Variants in KCNIP3 observed in about 807,000 individuals in gnomAD.
KCNIP3 encodes potassium voltage-gated channel interacting protein 3, also known as calsenilin.
Under a neutral mutation model 35.0 loss-of-function variants are expected in KCNIP3, and 28 were observed. The observed-to-expected ratio is 0.80, with a 90% CI of 0.59 to 1.10. The LOEUF (loss-of-function observed/expected upper bound fraction) is 1.10. Ranked by LOEUF, KCNIP3 falls within the 50% of genes least tolerant of loss-of-function variation. The pLI is 0.00. For missense variants in KCNIP3, 295 were observed against 338.4 expected, an observed-to-expected ratio of 0.87 and a Z score of 1.01; for synonymous variants, 134 against 133.8, an observed-to-expected ratio of 1.00 and a Z score of -0.01.
intron 2 of KCNIP3, among the ~76,000 whole-genome samples, chr2:95,372,530 G>T (rs1238666550): frequency 6.6e-6 from 1 of 152,222 alleles, no homozygotes. Flanking sequence ...GAGGGGAAAA[G>T]GTGATGAGGA....
At chr2:95,327,720 A>T (rs1678828511) in intron 2 of KCNIP3, among the ~76,000 whole-genome samples, 1 of 152,150 alleles carries the variant, frequency 6.6e-6, no homozygotes. Context: ...CCAGGGGAAG[A>T]GCTTGAGGCT....
chr2:95,306,493 A>G (rs1012178717), intron 1 of KCNIP3, among the ~76,000 whole-genome samples: 2 of 152,224 alleles, frequency 1.3e-5, no homozygotes, highest in Non-Finnish European at 2.9e-5. Context: ...ATCAGTTCAC[A>G]AGGGCTGGGT....
chr2:95,363,742 G>A (rs1238131388), intron 2 of KCNIP3, among the ~76,000 whole-genome samples: 1 of 152,198 alleles, frequency 6.6e-6, no homozygotes, highest in African/African-American at 2.4e-5. Context: ...ATCTTTCCAT[G>A]TAGAGGTCCT....
intron 2 of KCNIP3, among the ~76,000 whole-genome samples, chr2:95,327,825 A>C (rs531686463): frequency 1.4e-4 from 22 of 152,368 alleles, no homozygotes; most frequent in African/African-American, 5.0e-4. Flanking sequence ...AGCAGGACTC[A>C]GCCCAGCTGG....
At chr2:95,366,795 T>C (rs1166859536) in intron 2 of KCNIP3, among the ~76,000 whole-genome samples, 10 of 152,236 alleles carry the variant, frequency 6.6e-5, no homozygotes, top group Admixed American at 6.5e-4. Context: ...GCTAATCCTC[T>C]TTCTTGTGCT....
chr2:95,307,237 G>A (rs1678200477), intron 1 of KCNIP3, among the ~76,000 whole-genome samples: 1 of 152,188 alleles, frequency 6.6e-6, no homozygotes, highest in Non-Finnish European at 1.5e-5. Flanking sequence ...GACACACTGG[G>A]GCCCCCTAGC....
Position 95,318,215 on chromosome 2 carries a change from G to T in KCNIP3, c.181+7695G>T. On this transcript the variant is annotated intron_variant, in intron 2 of 8. Transcript: ENST00000295225. ...AGGGAGAGCAGATGGGGAGCCGCTG[G>T]CTTCTCCATGGGGTACACAGACTCA... 1.3e-5 allele frequency among the ~76,000 whole-genome samples: 2 copies of T among 152,134 alleles called. 1 individual carries two copies. The highest frequency in any genetic ancestry group is 2.9e-5 in the Non-Finnish European group (2 of 68,020).
intron 1 of KCNIP3, chr2:95,303,473 C>A (rs1678088713): frequency 6.6e-6 from 1 of 152,372 alleles, no homozygotes; most frequent in Non-Finnish European, 1.5e-5. Context: ...TGACAGTTTT[C>A]TCAGGCACTG....
chr2:95,362,610 C>G (rs777330507), intron 2 of KCNIP3, among the ~76,000 whole-genome samples: 1 of 152,238 alleles, frequency 6.6e-6, no homozygotes, highest in African/African-American at 2.4e-5. Flanking sequence ...CTCGCATGCA[C>G]AGTTCACGGT....
At chr2:95,330,166 A>G (rs569761892) in intron 2 of KCNIP3, among the ~76,000 whole-genome samples, 2 of 152,296 alleles carry the variant, frequency 1.3e-5, no homozygotes, top group South Asian at 2.1e-4. Context: ...GCGGCTCCCC[A>G]GGGTGCCCTG....
chr2:95,301,652 C>T (rs993615654), intron 1 of KCNIP3, among the ~76,000 whole-genome samples: 9 of 152,352 alleles, frequency 5.9e-5, no homozygotes, highest in Admixed American at 2.6e-4. Flanking sequence ...GCCATCCCTT[C>T]TGACTGTTGA....
intron 2 of KCNIP3, among the ~76,000 whole-genome samples, chr2:95,363,925 G>A (rs1422669823): frequency 2.0e-5 from 3 of 152,162 alleles, no homozygotes; most frequent in Non-Finnish European, 4.4e-5. Flanking sequence ...TCTCCTGTCT[G>A]TTGATTCTTT....
At chr2:95,354,338 G>C (rs1456188455) in intron 2 of KCNIP3, among the ~76,000 whole-genome samples, 2 of 152,258 alleles carry the variant, frequency 1.3e-5, no homozygotes, top group Non-Finnish European at 2.9e-5. Flanking sequence ...GTAAATGTAA[G>C]TTATATGCCA....
At chr2:95,381,507 C>A in intron 5 of KCNIP3, 89 bp from the exon 6 acceptor site, 1 of 905,192 alleles carries the variant, frequency 1.1e-6, no homozygotes, top group Non-Finnish European at 1.8e-6. Flanking sequence ...CTGTTGGAGG[C>A]GTGAATTTCA....
intron 2 of KCNIP3, among the ~76,000 whole-genome samples, chr2:95,326,725 C>T (rs1678805295): frequency 6.6e-6 from 1 of 152,258 alleles, no homozygotes; most frequent in Non-Finnish European, 1.5e-5. Context: ...GAGTCTGCCA[C>T]TCTCCTGCCC....
chr2:95,335,777 T>G (rs1020989301), intron 2 of KCNIP3, among the ~76,000 whole-genome samples: 3 of 152,194 alleles, frequency 2.0e-5, no homozygotes, highest in African/African-American at 7.2e-5. Flanking sequence ...AATTCCATGC[T>G]TTTCTCTCTC....
intron 2 of KCNIP3, among the ~76,000 whole-genome samples, chr2:95,358,113 G>A (rs1014261898): frequency 1.3e-5 from 2 of 152,162 alleles, no homozygotes; most frequent in African/African-American, 4.8e-5. Context: ...AGCTGTCAGG[G>A]GACATAGGCT....
intron 2 of KCNIP3, among the ~76,000 whole-genome samples, chr2:95,315,614 C>A (rs1489570211): frequency 3.3e-5 from 5 of 152,238 alleles, no homozygotes; most frequent in Admixed American, 3.3e-4. Flanking sequence ...CTTCTTCAGA[C>A]AATGTGGGCA....
At position 95,382,311 on chromosome 2, in the gene KCNIP3, C is replaced by A. The variant is rs879926156; in HGVS notation, c.556-66C>A. ...GTGCCCTGCACCCTTGGATGCCGCC[C>A]GCTCCCTTTGGGCCCTCACAGCCAC... On this transcript the variant is annotated intron_variant, in intron 6 of 8. Transcript: ENST00000295225. The surrounding 1 kb of genome is among the most constrained non-coding windows in gnomAD (Gnocchi z 4.5). The A allele has an allele frequency of 9.3e-7, 1 of 1,074,918 alleles. No individual in the cohort carries two copies. The highest frequency in any genetic ancestry group is 1.3e-6 in the Non-Finnish European group (1 of 751,418). The allele number at this position is 1,074,918 out of a possible 1,614,324, so 66.6% of individuals were successfully genotyped here. A position where few individuals can be genotyped will look rare whatever the true frequency, so the allele number is the denominator to read the frequency against.
Sources: allele counts gnomAD v4.1 joint callset (sites outside exome capture counted in the v4.1 genomes callset), GRCh38; gene constraint gnomAD v4.1.1; non-coding constraint Gnocchi (gnomAD v3.1); transcripts MANE v1.5; gene names NCBI Gene and HGNC (gene_info 2026-07-23, HGNC 2026-07-21).